PDZRN4: variants seen among roughly 807,000 people sequenced by gnomAD.
PDZRN4 encodes the protein PDZ domain containing ring finger 4.
Under a neutral mutation model 99.0 loss-of-function variants are expected in PDZRN4, and 70 were observed. The observed-to-expected ratio is 0.71, with a 90% CI of 0.58 to 0.86. The LOEUF (loss-of-function observed/expected upper bound fraction) is 0.86, where lower values mean the gene tolerates loss of function less well. PDZRN4 is among the 40% of genes least tolerant of loss of function. The pLI, the probability that PDZRN4 is intolerant of heterozygous loss-of-function variation, is 0.00. For synonymous variants in PDZRN4, 551 were observed against 501.6 expected (o/e 1.10, Z -1.32); for missense variants, 1,474 against 1,331.2 (o/e 1.11, Z -1.67).
At chr12:41,426,598 A>G (rs915616724) in intron 3 of PDZRN4, among the ~76,000 whole-genome samples, 2 of 152,238 alleles carry the variant, frequency 1.3e-5, no homozygotes, top group South Asian at 2.1e-4. Flanking sequence ...AAATTGCACA[A>G]TATTTTGAAC....
intron 3 of PDZRN4, among the ~76,000 whole-genome samples, chr12:41,246,314 CT>C (rs1433323837): frequency 6.6e-6 from 1 of 152,128 alleles, no homozygotes; most frequent in Non-Finnish European, 1.5e-5. Context: ...GGTATTTCAA[CT>C]GTACAGTTAA....
chr12:41,290,467 T>G (rs1951450733), intron 3 of PDZRN4, among the ~76,000 whole-genome samples: 1 of 152,058 alleles, frequency 6.6e-6, no homozygotes, highest in Admixed American at 6.6e-5. Flanking sequence ...TAGGAAAATG[T>G]AAAAGAAACA....
intron 3 of PDZRN4, among the ~76,000 whole-genome samples, chr12:41,247,514 G>C (rs543597209): frequency 6.6e-6 from 1 of 152,244 alleles, no homozygotes; most frequent in South Asian, 2.1e-4. Flanking sequence ...AATGTTTTAT[G>C]TGATGAACAA....
rs1292026337 is a variant in PDZRN4 at position 41,567,897 on chromosome 12, CAGGT to C, written c.1584+2_1584+5del. On this transcript the variant is annotated splice_donor_variant and coding_sequence_variant, in exon 9 of 10. Coordinates refer to ENST00000402685, the MANE Select transcript of PDZRN4 (RefSeq NM_001164595.2). LOFTEE classifies it high-confidence loss of function. ...GCAGCCCACTGCCAATGAGGTGGAG[CAGGT>C]AGGGCCAACAATTTGAACTACATCA... The C allele has an allele frequency of 6.4e-7, 1 of 1,556,210 alleles. No homozygotes were observed. The highest frequency in any genetic ancestry group is 2.2e-5 in the East Asian group (1 of 44,446).
At chr12:41,497,821 C>A (rs1472237497) in intron 3 of PDZRN4, among the ~76,000 whole-genome samples, 1 of 152,016 alleles carries the variant, frequency 6.6e-6, no homozygotes, top group Non-Finnish European at 1.5e-5. Context: ...AAAAGACATT[C>A]ATAGTACAGT....
At chr12:41,442,908 C>G (rs1191287045) in intron 3 of PDZRN4, among the ~76,000 whole-genome samples, 2 of 151,996 alleles carry the variant, frequency 1.3e-5, no homozygotes, top group Admixed American at 6.6e-5. Context: ...GCTTTATTTC[C>G]CCAGTTCCAA....
intron 3 of PDZRN4, among the ~76,000 whole-genome samples, chr12:41,270,750 T>C (rs1283433458): frequency 1.3e-5 from 2 of 152,138 alleles, no homozygotes; most frequent in Admixed American, 1.3e-4. Context: ...GCAGATTACA[T>C]GCAAAATTTA....
At chr12:41,248,462 C>A (rs1591984166) in intron 3 of PDZRN4, among the ~76,000 whole-genome samples, 1 of 152,218 alleles carries the variant, frequency 6.6e-6, no homozygotes. Context: ...AAAATGTTTA[C>A]TTAGAATTCA....
intron 3 of PDZRN4, among the ~76,000 whole-genome samples, chr12:41,426,948 C>T (rs1461955688): frequency 6.6e-6 from 1 of 152,158 alleles, no homozygotes; most frequent in African/African-American, 2.4e-5. Flanking sequence ...TGTGCACTTG[C>T]AACTTGAAAA....
At chr12:41,367,002 T>C (rs1952005249) in intron 3 of PDZRN4, among the ~76,000 whole-genome samples, 1 of 152,020 alleles carries the variant, frequency 6.6e-6, no homozygotes, top group African/African-American at 2.4e-5. Context: ...TGATTAGACC[T>C]ACGGGGAGCT....
At chr12:41,307,714 AC>A (rs1181302821) in intron 3 of PDZRN4, among the ~76,000 whole-genome samples, 2 of 151,396 alleles carry the variant, frequency 1.3e-5, no homozygotes, top group Non-Finnish European at 2.9e-5. Flanking sequence ...CAATCTTTTC[AC>A]TCTTGATTAC....
chr12:41,205,368 C>T (rs1195241846), intron 3 of PDZRN4, among the ~76,000 whole-genome samples: 1 of 151,858 alleles, frequency 6.6e-6, no homozygotes, highest in African/African-American at 2.4e-5. Context: ...TTCCTGAAAA[C>T]CTTCCCTGCG....
chr12:41,402,089 A>AATATATAT (rs148105881), intron 3 of PDZRN4, among the ~76,000 whole-genome samples: 12 of 70,362 alleles, frequency 1.7e-4, no homozygotes, highest in African/African-American at 7.8e-4. Flanking sequence ...AAAAAAAAGA[A>AATATATAT]ATATATATAT....
At chr12:41,281,319 A>T (rs769154767) in intron 3 of PDZRN4, among the ~76,000 whole-genome samples, 17 of 151,854 alleles carry the variant, frequency 1.1e-4, no homozygotes, top group Non-Finnish European at 2.1e-4. Flanking sequence ...ACTCCAAAGG[A>T]TCACAACTCC....
chr12:41,189,224 A>G (rs1566344904), intron 1 of PDZRN4, 121 bp downstream of exon 1: 7 of 860,976 alleles, frequency 8.1e-6, no homozygotes, highest in Admixed American at 4.4e-5. Context: ...GCAGCAGGAA[A>G]CATCCACACC....
At position 41,226,083 on chromosome 12, in the gene PDZRN4, A is replaced by ATT. The variant is rs111762475; in HGVS notation, c.843+31904_843+31905dup. 1.2e-3 allele frequency among the ~76,000 whole-genome samples: 180 copies of ATT among 148,484 alleles called. 1 individual carries two copies. Among genetic ancestry groups the ATT allele is most frequent in the African/African-American group, 4.2e-3 (169 of 40,598 alleles). Reference sequence around the variant, plus strand: ...AGGTTCGTACTGATCATTTGGTGTCATTTTTTTTTTAACACAAAGCCCTTG... The same window carrying ATT: ...AGGTTCGTACTGATCATTTGGTGTCATTTTTTTTTTTTAACACAAAGCCCTTG... On this transcript the variant is annotated intron_variant, in intron 3 of 9. Transcript: ENST00000402685.
At chr12:41,467,279 A>G (rs1346788142) in intron 3 of PDZRN4, among the ~76,000 whole-genome samples, 1 of 152,138 alleles carries the variant, frequency 6.6e-6, no homozygotes, top group East Asian at 1.9e-4. Flanking sequence ...TTTGTTTAAT[A>G]GTATTGGTCT....
At chr12:41,267,531 T>C (rs1416775786) in intron 3 of PDZRN4, among the ~76,000 whole-genome samples, 1 of 151,888 alleles carries the variant, frequency 6.6e-6, no homozygotes, top group African/African-American at 2.4e-5. Flanking sequence ...GGAGTTGCAA[T>C]AAAAGGAAGA....
chr12:41,420,343 A>G (rs918977956), intron 3 of PDZRN4, among the ~76,000 whole-genome samples: 1 of 152,106 alleles, frequency 6.6e-6, no homozygotes, highest in Non-Finnish European at 1.5e-5. Context: ...CTATTAGAAA[A>G]CAAGCAAACC....
Sources: allele counts gnomAD v4.1 joint callset (sites outside exome capture counted in the v4.1 genomes callset), GRCh38; gene constraint gnomAD v4.1.1; transcripts MANE v1.5; gene names NCBI Gene and HGNC (gene_info 2026-07-23, HGNC 2026-07-21).